The following KRR1 variants were observed in gnomAD, a reference collection of about 807,000 sequenced individuals.
KRR1 encodes KRR1 small subunit processome component homolog.
In KRR1, 23 loss-of-function variants were observed where a neutral mutation model predicts 50.0. The observed-to-expected ratio is 0.46, with a 90% CI of 0.33 to 0.65. The LOEUF is 0.65. KRR1 is among the 30% of genes least tolerant of loss of function. The pLI is 0.02. For missense variants in KRR1, 419 were observed against 442.4 expected, an observed-to-expected ratio of 0.95 and a Z score of 0.47; for synonymous variants, 133 against 146.3, an observed-to-expected ratio of 0.91 and a Z score of 0.66.
chr12:75,494,178 A>G lies in KRR1; in HGVS notation c.*5631T>C, dbSNP rs1442339182. 2 of 152,220 alleles carry G rather than the reference A, an allele frequency of 1.3e-5. No homozygotes were observed. Among genetic ancestry groups the G allele is most frequent in the African/African-American group, 2.4e-5 (1 of 41,466 alleles). The allele number at this position is 152,220 out of a possible 1,614,324, so 9.4% of individuals were successfully genotyped here. A position where few individuals can be genotyped will look rare whatever the true frequency, so the allele number is the denominator to read the frequency against. On this transcript the variant is annotated 3_prime_UTR_variant, in exon 10 of 10. Coordinates refer to ENST00000229214, the MANE Select transcript of KRR1 (RefSeq NM_007043.7). Reference sequence around the variant, plus strand: ...ATAGATTTGGGGTTGGAAATAAGGTATCGTTATAAAGTTGTGTGTCTAAGG... The same window carrying G: ...ATAGATTTGGGGTTGGAAATAAGGTGTCGTTATAAAGTTGTGTGTCTAAGG...
At chr12:75,500,241 T>C (rs765538704) in intron 9 of KRR1, 9 of 186,566 alleles carry the variant, frequency 4.8e-5, no homozygotes, top group Non-Finnish European at 7.7e-5. Flanking sequence ...GATTCAACTA[T>C]ATTAAGACTA....
In KRR1 at chr12:75,498,798, G is replaced by C. The variant is rs905074546; in HGVS notation, c.*1011C>G. 3.7e-6 allele frequency: 6 copies of C among 1,611,646 alleles called. No individual in the cohort carries two copies. The African/African-American group carries it at 8.0e-5, about 22-fold the overall frequency. ...GTGCATTATGAGGAACAATGTCTAA[G>C]AGGATATTCTATGTTTGTTTCACAG... On this transcript the variant is annotated 3_prime_UTR_variant, in exon 10 of 10. Coordinates refer to ENST00000229214, the MANE Select transcript of KRR1 (RefSeq NM_007043.7).
intron 6 of KRR1, among the ~76,000 whole-genome samples, chr12:75,504,608 T>C (rs540281910): frequency 2.6e-4 from 39 of 152,180 alleles, no homozygotes; most frequent in African/African-American, 8.2e-4. Flanking sequence ...TCAAAATCAC[T>C]TTCCCCCAAT....
At chr12:75,504,494 C>T (rs996954694) in intron 6 of KRR1, among the ~76,000 whole-genome samples, 11 of 152,084 alleles carry the variant, frequency 7.2e-5, no homozygotes, top group Admixed American at 3.3e-4. Flanking sequence ...TCACATTTCC[C>T]TATTCCATTT....
At chr12:75,511,448 G>A (rs1440198188) in intron 1 of KRR1, 65 bp downstream of exon 1, 1 of 1,406,478 alleles carries the variant, frequency 7.1e-7, no homozygotes. Flanking sequence ...CACGAGGAAC[G>A]AAAGAAAAAA....
Position 75,506,387 on chromosome 12 carries a change from A to C in KRR1, c.532T>G (p.Leu178Val). 3 of 1,611,828 alleles carry C rather than the reference A, an allele frequency of 1.9e-6. No individual in the cohort carries two copies. The highest frequency in any genetic ancestry group is 1.7e-6 in the Non-Finnish European group (2 of 1,179,004). The change falls in exon 5 of 10, where the codon TTA becomes GTA. Residue 178 changes from leucine (L) to valine (V), a missense_variant. By Grantham distance (32) the Leu-to-Val change is conservative. Transcript: ENST00000229214. ...TGAACCATAATGTAACAATTAGTTA[A>C]GAGTTCCAATGCCTGTATCAAGAGA... ...KGSTLKALELLTNCYIMVQGN... is the reference protein window; with the variant it reads ...KGSTLKALELVTNCYIMVQGN...
rs776026711 is a variant in KRR1, at chr12:75,506,906, G to A, written c.269C>T (p.Ala90Val). 2 of 1,592,676 alleles carry A rather than the reference G, an allele frequency of 1.3e-6. No individual in the cohort carries two copies. Among genetic ancestry groups the A allele is most frequent in the South Asian group, 1.2e-5 (1 of 86,724 alleles). The change falls in exon 3 of 10, where the codon GCA becomes GTA. Residue 90 changes from alanine (A) to valine (V), a missense_variant. Ala to Val is a moderately conservative substitution (Grantham distance 64). Transcript: ENST00000229214. ...GCTGCCTTCGATCAGGTCCAGGGTT[G>A]CATTAACATGCTACAGAAGGAAAGA... ...QKALNEHHVN[A>V]TLDLIEGSMT...
Position 75,492,989 on chromosome 12 carries a change from C to T in KRR1, c.*6820G>A, listed in dbSNP as rs1440184348. 3 of 152,166 alleles carry T rather than the reference C, an allele frequency of 2.0e-5. No individual in the cohort carries two copies. The highest frequency in any genetic ancestry group is 2.9e-5 in the Non-Finnish European group (2 of 68,024). The allele number at this position is 152,166 out of a possible 1,614,324, so 9.4% of individuals were successfully genotyped here. A position where few individuals can be genotyped will look rare whatever the true frequency, so the allele number is the denominator to read the frequency against. On this transcript the variant is annotated 3_prime_UTR_variant, in exon 10 of 10. Transcript: ENST00000229214. ...AATGAGAAGGAATCAGACATAAGAA[C>T]TTCTGGAACAGCTGTCTAGTGGAGA...
In KRR1 at chr12:75,495,440, C is replaced by G; in HGVS notation, c.*4369G>C. 3.5e-6 allele frequency: 2 copies of G among 578,300 alleles called. No individual in the cohort carries two copies. Among genetic ancestry groups the G allele is most frequent in the Non-Finnish European group, 3.2e-6 (1 of 313,646 alleles). The allele number at this position is 578,300 out of a possible 1,614,324, so 35.8% of individuals were successfully genotyped here. ...CAGCCTTCCATTTCTGCCTTCCTGT[C>G]TTCACTTCTATTACCAACTCTCTGG... On this transcript the variant is annotated 3_prime_UTR_variant, in exon 10 of 10. Transcript: ENST00000229214.
In KRR1 at chr12:75,499,199, T is replaced by C. The variant is rs2046372865; in HGVS notation, c.*610A>G. ...TTGCAGGTTGCCACAGGTGGACTTT[T>C]AGTAAGTAACCTAACCCATGTTTCA... On this transcript the variant is annotated 3_prime_UTR_variant, in exon 10 of 10. Transcript: ENST00000229214. 5.3e-6 allele frequency: 2 copies of C among 375,858 alleles called. No individual in the cohort carries two copies. The highest frequency in any genetic ancestry group is 9.5e-6 in the Non-Finnish European group (2 of 211,526). The allele number at this position is 375,858 out of a possible 1,614,324, so 23.3% of individuals were successfully genotyped here.
intron 2 of KRR1, among the ~76,000 whole-genome samples, chr12:75,507,839 G>T (rs977700289): frequency 6.6e-6 from 1 of 151,696 alleles, no homozygotes; most frequent in African/African-American, 2.4e-5. Context: ...AAAAAAAAAT[G>T]CAGTTATCTA....
rs1228262126 is a variant in KRR1, at chr12:75,495,095, CAGTGAAA to C, written c.*4707_*4713del. The stretch of plus-strand genomic sequence containing the variant: ...AGGCACCAGCCAAATGGCTCCTATC[CAGTGAAA>C]ATTATGGAGGGCTGACCAACTGAGA... On this transcript the variant is annotated 3_prime_UTR_variant, in exon 10 of 10. Coordinates refer to ENST00000229214, the MANE Select transcript of KRR1 (RefSeq NM_007043.7). 1.3e-5 allele frequency: 2 copies of C among 152,282 alleles called. No individual in the cohort carries two copies. Among genetic ancestry groups the C allele is most frequent in the Non-Finnish European group, 2.9e-5 (2 of 68,150 alleles). 9.4% of individuals were successfully genotyped at this position (152,282 alleles called of 1,614,324 possible). A position where few individuals can be genotyped will look rare whatever the true frequency, so the allele number is the denominator to read the frequency against.
In KRR1 at chr12:75,495,962, T is replaced by C. The variant is rs930543234; in HGVS notation, c.*3847A>G. The C allele has an allele frequency of 3.0e-5, 6 of 201,432 alleles. No homozygotes were observed. Among genetic ancestry groups the C allele is most frequent in the Non-Finnish European group, 5.0e-5 (5 of 100,122 alleles). 12.5% of individuals were successfully genotyped at this position (201,432 alleles called of 1,614,324 possible). On this transcript the variant is annotated 3_prime_UTR_variant, in exon 10 of 10. Transcript: ENST00000229214. ...ATTTCAGCAAGATCAAAAATAAGTA[T>C]AACAGGTCATCCAAACAAACAGAAT...
chr12:75,498,472 C>G lies in KRR1; in HGVS notation c.*1337G>C. 2.3e-6 allele frequency: 1 copy of G among 442,620 alleles called. No individual in the cohort carries two copies. Among genetic ancestry groups the G allele is most frequent in the Admixed American group, 4.0e-5 (1 of 24,968 alleles). 27.4% of individuals were successfully genotyped at this position (442,620 alleles called of 1,614,324 possible). On this transcript the variant is annotated 3_prime_UTR_variant, in exon 10 of 10. Coordinates refer to ENST00000229214, the MANE Select transcript of KRR1 (RefSeq NM_007043.7). ...CCATTTATAGTAATGGTATAGTTTCCTTTTTATAAAAGGTTTATAAAGTTT... is the reference window on the plus strand; with the variant it reads ...CCATTTATAGTAATGGTATAGTTTCGTTTTTATAAAAGGTTTATAAAGTTT...
intron 5 of KRR1, 69 bp from the exon 6 acceptor site, chr12:75,505,323 C>T: frequency 7.0e-7 from 1 of 1,434,068 alleles, no homozygotes; most frequent in Non-Finnish European, 9.4e-7. Context: ...AGGATTAATA[C>T]TGCAAAAATC....
At position 75,491,958 on chromosome 12, in the gene KRR1, T is replaced by A. The variant is rs1234136705; in HGVS notation, c.*7851A>T. On this transcript the variant is annotated 3_prime_UTR_variant, in exon 10 of 10. Transcript: ENST00000229214. ...CGATACTCTGACTGAGTGCTGTAGG[T>A]GTGAAGGAGGAGACAAAGCGTCATT... 2.0e-5 allele frequency: 3 copies of A among 152,184 alleles called. No individual in the cohort carries two copies. The East Asian group carries it at 5.8e-4, about 29-fold the overall frequency. The allele number at this position is 152,184 out of a possible 1,614,324, so 9.4% of individuals were successfully genotyped here. A position where few individuals can be genotyped will look rare whatever the true frequency, so the allele number is the denominator to read the frequency against.
Position 75,499,138 on chromosome 12 carries a change from T to C in KRR1, c.*671A>G. On this transcript the variant is annotated 3_prime_UTR_variant, in exon 10 of 10. Coordinates refer to ENST00000229214, the MANE Select transcript of KRR1 (RefSeq NM_007043.7). ...CAAAAGAAGAAATTTCCTAACTCTATCAGATAAACTCATCTTTAGTATAAA... is the reference window on the plus strand; with the variant it reads ...CAAAAGAAGAAATTTCCTAACTCTACCAGATAAACTCATCTTTAGTATAAA... 2.1e-6 allele frequency: 1 copy of C among 470,950 alleles called. No individual in the cohort carries two copies. Among genetic ancestry groups the C allele is most frequent in the Non-Finnish European group, 3.7e-6 (1 of 270,704 alleles). 29.2% of individuals were successfully genotyped at this position (470,950 alleles called of 1,614,324 possible). A position where few individuals can be genotyped will look rare whatever the true frequency, so the allele number is the denominator to read the frequency against.
rs772179558 is a variant in KRR1 at position 75,499,777 on chromosome 12, G to GAGAT, written c.*28_*31dup. On this transcript the variant is annotated 3_prime_UTR_variant, in exon 10 of 10. Coordinates refer to ENST00000229214, the MANE Select transcript of KRR1 (RefSeq NM_007043.7). ...GATATCTCAAAATCCTTTACAAAAG[G>GAGAT]AGATAGTTCTAGTCAAGGAGTTTTG... The GAGAT allele has an allele frequency of 1.0e-5, 16 of 1,528,746 alleles. No individual in the cohort carries two copies. The highest frequency in any genetic ancestry group is 3.5e-4 in the Middle Eastern group (2 of 5,728). The allele number at this position is 1,528,746 out of a possible 1,614,324, so 94.7% of individuals were successfully genotyped here. A position where few individuals can be genotyped will look rare whatever the true frequency, so the allele number is the denominator to read the frequency against.
rs751214619 is a variant in KRR1 at position 75,499,824 on chromosome 12, CTTTTTCTTT to C, written c.1122_1130del (p.Lys377_Lys379del). 3.8e-6 allele frequency: 6 copies of C among 1,586,406 alleles called. No homozygotes were observed. The highest frequency in any genetic ancestry group is 3.6e-5 in the Admixed American group (2 of 56,052). The stretch of plus-strand genomic sequence containing the variant: ...TTTGGGTATGTTACTTTTTTTTCTT[CTTTTTCTTT>C]TCATCTGCCTCCATCTTAAGTGCAA... On this transcript the variant is annotated inframe_deletion, in exon 10 of 10. Transcript: ENST00000229214.
Sources: gnomAD v4.1 joint callset for allele counts (sites outside exome capture counted in the v4.1 genomes callset) on GRCh38, gnomAD v4.1.1 for gene constraint, MANE v1.5 for transcripts, NCBI Gene and HGNC (gene_info 2026-07-23, HGNC 2026-07-21) for gene names.